The following PRAME variants were observed in gnomAD, a reference collection of about 807,000 sequenced individuals.
PRAME encodes PRAME nuclear receptor transcriptional regulator, also known as melanoma antigen preferentially expressed in tumors.
Under a neutral mutation model 32.1 loss-of-function variants are expected in PRAME, and 21 were observed. The observed-to-expected ratio is 0.65, with a 90% confidence interval of 0.46 to 0.94. The LOEUF is 0.94. PRAME is among the 40% of genes least tolerant of loss of function. PRAME has a pLI of 0.00. For missense variants in PRAME, 651 were observed against 622.3 expected, an observed-to-expected ratio of 1.05 and a Z score of -0.49; for synonymous variants, 274 against 251.5, an observed-to-expected ratio of 1.09 and a Z score of -0.85.
chr22:22,549,704 G>C (rs766476560), intron 5 of PRAME, 22 bp downstream of exon 5: 2 of 1,568,756 alleles, frequency 1.3e-6, no homozygotes, highest in Non-Finnish European at 1.7e-6. Context: ...CTGGTCTGCA[G>C]AGAAATCTCA....
In PRAME at chr22:22,550,752, C is replaced by T; in HGVS notation, c.344+15G>A. The stretch of plus-strand genomic sequence containing the variant: ...GTTCCCAGGGCCCCACACCAAGCTG[C>T]TAGGTCACCCTTACCTGGGGCGAAC... On this transcript the variant is annotated intron_variant, in intron 4 of 5. Transcript: ENST00000405655. 6 of 1,556,972 alleles carry T rather than the reference C, an allele frequency of 3.9e-6. No individual in the cohort carries two copies. The highest frequency in any genetic ancestry group is 4.4e-6 in the Non-Finnish European group (5 of 1,149,178).
Position 22,548,032 on chromosome 22 carries a change from G to C in PRAME, c.*35C>G, listed in dbSNP as rs748799112. ...TGCACATCCTGGCTTTAGTGTCCAAGTATGCAGAATGAAGCATTTGATATG... is the reference window on the plus strand; with the variant it reads ...TGCACATCCTGGCTTTAGTGTCCAACTATGCAGAATGAAGCATTTGATATG... On this transcript the variant is annotated 3_prime_UTR_variant, in exon 6 of 6. Transcript: ENST00000405655. 8 of 1,564,780 alleles carry C rather than the reference G, an allele frequency of 5.1e-6. No individual in the cohort carries two copies. Among genetic ancestry groups the C allele is most frequent in the Non-Finnish European group, 6.1e-6 (7 of 1,151,782 alleles).
At chr22:22,555,748 G>A (rs1395641999) in intron 3 of PRAME, 1 of 417,942 alleles carries the variant, frequency 2.4e-6, no homozygotes, top group East Asian at 7.5e-5. Context: ...CTTCAACCCA[G>A]GTTGCATGTT....
chr22:22,548,882 G>A (rs1038235045), intron 5 of PRAME, among the ~76,000 whole-genome samples: 17 of 151,864 alleles, frequency 1.1e-4, no homozygotes, highest in African/African-American at 3.6e-4. Flanking sequence ...CATCTGTGAG[G>A]CAGGGTCCAA....
chr22:22,552,856 A>C (rs971263855), intron 3 of PRAME: 1 of 470,676 alleles, frequency 2.1e-6, no homozygotes, highest in Non-Finnish European at 4.4e-6. Flanking sequence ...CTCTGGGAAG[A>C]CCACAACATT....
In PRAME at chr22:22,548,616, G is replaced by A; in HGVS notation, c.981C>T (p.Leu327=). The change falls in exon 6 of 6, where the codon CTC becomes CTT. Residue 327 remains leucine (L), a synonymous_variant. Transcript: ENST00000405655. The part of the protein sequence containing the change: ...LRHVMNPLET[L]SITNCRLSEG... ...CCGAAAGCCGGCAGTTAGTTATTGA[G>A]AGGGTTTCCAAGGGGTTCATCACGT... The A allele has an allele frequency of 6.2e-7, 1 of 1,605,724 alleles. No individual in the cohort carries two copies. Among genetic ancestry groups the A allele is most frequent in the Non-Finnish European group, 8.5e-7 (1 of 1,179,372 alleles).
At chr22:22,555,372 G>C (rs547097031) in intron 3 of PRAME, among the ~76,000 whole-genome samples, 47 of 151,916 alleles carry the variant, frequency 3.1e-4, no homozygotes, top group Admixed American at 2.0e-3. Flanking sequence ...AAGTAGCTAG[G>C]ATTACAAGCA....
intron 3 of PRAME, among the ~76,000 whole-genome samples, chr22:22,556,606 C>G (rs564385883): frequency 6.6e-6 from 1 of 151,922 alleles, no homozygotes; most frequent in African/African-American, 2.4e-5. Flanking sequence ...CCACCGTGCC[C>G]GACCCTAGGG....
chr22:22,553,738 C>A, intron 3 of PRAME: 1 of 957,718 alleles, frequency 1.0e-6, no homozygotes, highest in Non-Finnish European at 1.2e-6. Context: ...GTCTGAAAGA[C>A]CTTGTGGTTT....
intron 3 of PRAME, chr22:22,552,768 T>C (rs777524085): frequency 4.1e-5 from 19 of 466,170 alleles, no homozygotes; most frequent in African/African-American, 2.6e-4. Flanking sequence ...GAGGTGACAG[T>C]AGAAGGAGGC....
At chr22:22,556,682 A>C in intron 3 of PRAME, 130 bp downstream of exon 3, 2 of 1,110,988 alleles carry the variant, frequency 1.8e-6, no homozygotes. Flanking sequence ...CAGAAACAAT[A>C]AAAGCGGCTC....
intron 1 of PRAME, among the ~76,000 whole-genome samples, chr22:22,558,708 T>G (rs1447365879): frequency 6.7e-6 from 1 of 150,056 alleles, no homozygotes; most frequent in Non-Finnish European, 1.5e-5. Flanking sequence ...ACTGGGAGTG[T>G]GGGACGGGGT....
chr22:22,551,021 T>TGCCA lies in PRAME; in HGVS notation c.86_89dup (p.Gln32ArgfsTer8). 1 of 1,611,752 alleles carries TGCCA rather than the reference T, an allele frequency of 6.2e-7. No individual in the cohort carries two copies. Among genetic ancestry groups the TGCCA allele is most frequent in the Non-Finnish European group, 8.5e-7 (1 of 1,178,564 alleles). ...CCTCATCCTTCAGCAGGCTCTGCCC[T>TGCCA]GCCAGCTCCACAAGTCTCCGTGGGC... is the stretch of plus-strand genomic sequence containing the variant. On this transcript the variant is annotated frameshift_variant, in exon 4 of 6. Transcript: ENST00000405655. LOFTEE classifies it high-confidence loss of function.
chr22:22,548,688 G>C lies in PRAME; in HGVS notation c.954-45C>G, dbSNP rs759293094. On this transcript the variant is annotated intron_variant, in intron 5 of 5. Transcript: ENST00000405655. ...TTAGTGCTGGGGAATGGTGGTAGTGGGGTGGGGAGACTGGAGAGAGGCCCA... is the reference window on the plus strand; with the variant it reads ...TTAGTGCTGGGGAATGGTGGTAGTGCGGTGGGGAGACTGGAGAGAGGCCCA... The C allele has an allele frequency of 5.7e-5, 84 of 1,483,868 alleles. No individual in the cohort carries two copies. In the East Asian group the frequency reaches 1.9e-3, roughly 34 times the overall value. The allele number at this position is 1,483,868 out of a possible 1,614,324, so 91.9% of individuals were successfully genotyped here.
chr22:22,550,115 A>G lies in PRAME; in HGVS notation c.564T>C (p.Cys188=). Residue 188 remains cysteine, a synonymous_variant, in exon 5 of 6, where the codon TGT becomes TGC. Transcript: ENST00000405655. ...CAATGAGGTAGGAGAACAATTCATC[A>G]CAGGCACCTTCCTTGAGGAACAGGT... ...LVDLFLKEGA[C]DELFSYLIEK... is the part of the protein sequence containing the mutation. 6.2e-7 allele frequency: 1 copy of G among 1,613,882 alleles called. No homozygotes were observed. The highest frequency in any genetic ancestry group is 1.1e-5 in the South Asian group (1 of 91,076).
rs758837586 is a variant in PRAME at position 22,550,922 on chromosome 22, C to T, written c.189G>A (p.Gly63=). 6.2e-7 allele frequency: 1 copy of T among 1,613,876 alleles called. No homozygotes were observed. Among genetic ancestry groups the T allele is most frequent in the East Asian group, 2.2e-5 (1 of 44,784 alleles). Residue 63 remains glycine, a synonymous_variant, in exon 4 of 6, where the codon GGG becomes GGA. Transcript: ENST00000405655. ...TTGCCTTCAGGGTCTGGCTGTGTCT[C>T]CCGTCAAAGGCTGCCATGAAGAGTG... ...FPPLFMAAFD[G]RHSQTLKAMV...
chr22:22,556,662 T>C (rs2062942973), intron 3 of PRAME, 150 bp downstream of exon 3: 4 of 995,114 alleles, frequency 4.0e-6, no homozygotes, highest in South Asian at 2.8e-5. Context: ...TGCTCTTTTG[T>C]GGAAATGACC....
intron 3 of PRAME, 117 bp downstream of exon 3, chr22:22,556,695 G>T: frequency 8.1e-7 from 1 of 1,231,240 alleles, no homozygotes; most frequent in Non-Finnish European, 1.2e-6. Flanking sequence ...AGCGGCTCCT[G>T]CCTCTTCGTC....
chr22:22,552,746 C>T (rs2062665564), intron 3 of PRAME: 9 of 439,738 alleles, frequency 2.0e-5, no homozygotes, highest in South Asian at 8.4e-5. Flanking sequence ...CCTCATGGCC[C>T]GTGGAGACCC....
Sources: allele counts gnomAD v4.1 joint callset (sites outside exome capture counted in the v4.1 genomes callset), GRCh38; gene constraint gnomAD v4.1.1; transcripts MANE v1.5; gene names NCBI Gene and HGNC (gene_info 2026-07-23, HGNC 2026-07-21).